GALNT18: variants seen among roughly 807,000 people sequenced by gnomAD.
GALNT18 encodes the protein polypeptide N-acetylgalactosaminyltransferase 18.
Under a neutral mutation model 69.5 loss-of-function variants are expected in GALNT18, and 44 were observed. The ratio of observed to expected loss-of-function variants is 0.63; its 90% CI spans 0.50 to 0.81. GALNT18 has a LOEUF of 0.81. Among genes scored for constraint, GALNT18 ranks in the 40% least tolerant of loss-of-function variants. The pLI is 0.00. For synonymous variants in GALNT18, 364 were observed against 318.2 expected (o/e 1.14, Z -1.53); for missense variants, 715 against 810.0 (o/e 0.88, Z 1.42).
At chr11:11,559,234 C>G (rs908339814) in intron 1 of GALNT18, among the ~76,000 whole-genome samples, 8 of 152,180 alleles carry the variant, frequency 5.3e-5, no homozygotes, top group African/African-American at 1.7e-4. Flanking sequence ...ATAGTCACCT[C>G]CAAGAAGCCT....
chr11:11,431,940 T>C (rs899068987), intron 3 of GALNT18, among the ~76,000 whole-genome samples: 11 of 152,016 alleles, frequency 7.2e-5, no homozygotes, highest in African/African-American at 2.7e-4. Flanking sequence ...TGATGGCATA[T>C]GGGGGGGCAA....
chr11:11,299,837 G>A (rs1045733240), intron 9 of GALNT18, among the ~76,000 whole-genome samples: 2 of 152,234 alleles, frequency 1.3e-5, no homozygotes, highest in Non-Finnish European at 2.9e-5. Context: ...CCAGGATTGG[G>A]ATTGCTGGAT....
rs1227443446 is a variant in GALNT18, at chr11:11,271,172, G to A, written c.1796C>T (p.Thr599Ile). 6.2e-7 allele frequency: 1 copy of A among 1,613,812 alleles called. No homozygotes were observed. Among genetic ancestry groups the A allele is most frequent in the Non-Finnish European group, 8.5e-7 (1 of 1,179,756 alleles). ...GGACGCGAGGCTCCTCAGGACGTTG[G>A]TGATGCTCCAGTGCTGGCCCGAGCA... The part of the protein sequence containing the change: ...QKCSGQHWSI[T>I]NVLRSLAS Residue 599 changes from threonine to isoleucine, a missense_variant, in exon 11 of 11, where the codon ACC becomes ATC. By Grantham distance (89) the Thr-to-Ile change is moderately conservative. Coordinates refer to ENST00000227756, the MANE Select transcript of GALNT18 (RefSeq NM_198516.3).
At chr11:11,532,667 T>C (rs1392891317) in intron 1 of GALNT18, among the ~76,000 whole-genome samples, 1 of 152,258 alleles carries the variant, frequency 6.6e-6, no homozygotes, top group Non-Finnish European at 1.5e-5. Flanking sequence ...AATATGTCTA[T>C]GGCTGCAGTC....
intron 3 of GALNT18, among the ~76,000 whole-genome samples, chr11:11,397,019 C>A (rs868066350): frequency 3.3e-5 from 5 of 152,148 alleles, no homozygotes; most frequent in Middle Eastern, 3.4e-3. Context: ...AAATGCACCC[C>A]CATGGCAAAT....
chr11:11,492,717 G>C (rs1856797734), intron 1 of GALNT18, among the ~76,000 whole-genome samples: 1 of 146,416 alleles, frequency 6.8e-6, no homozygotes, highest in African/African-American at 2.5e-5. Context: ...TGGACACAGA[G>C]AGGGGACATC....
At chr11:11,519,103 G>A (rs1314406640) in intron 1 of GALNT18, among the ~76,000 whole-genome samples, 1 of 152,196 alleles carries the variant, frequency 6.6e-6, no homozygotes, top group Non-Finnish European at 1.5e-5. Context: ...CCTGCATCTG[G>A]GCACCTGGGG....
intron 6 of GALNT18, among the ~76,000 whole-genome samples, chr11:11,350,886 G>A (rs1424136050): frequency 6.6e-6 from 1 of 152,160 alleles, no homozygotes; most frequent in African/African-American, 2.4e-5. Flanking sequence ...GCCTTCAGGG[G>A]ACTGTGTGAG....
chr11:11,565,454 T>C lies in GALNT18; in HGVS notation c.235+55905A>G, dbSNP rs1590104222. Among the ~76,000 whole-genome samples the C allele has an allele frequency of 2.0e-5, 3 of 152,186 alleles. No homozygotes were observed. In the East Asian group the frequency reaches 5.8e-4, roughly 29 times the overall value. ...TTCTTCCATCTCTCATTTTGGTTCC[T>C]GCATTAGATTGATCTAAGGCCTCTA... On this transcript the variant is annotated intron_variant, in intron 1 of 10. Coordinates refer to ENST00000227756, the MANE Select transcript of GALNT18 (RefSeq NM_198516.3).
chr11:11,372,014 T>TGGGATCAGAAA lies in GALNT18; in HGVS notation c.1092+500_1092+501insTTTCTGATCCC, dbSNP rs1217563621. ...TAGCACCTGGGATCAGAAAGCAGCC[T>TGGGATCAGAAA]GCAGTGAGCCTGGCTGCATCTTGCT... On this transcript the variant is annotated intron_variant, in intron 6 of 10. Coordinates refer to ENST00000227756, the MANE Select transcript of GALNT18 (RefSeq NM_198516.3). This position sits in a 1 kb window ranked among gnomAD's most constrained non-coding sequence, Gnocchi z 4.9. Among the ~76,000 whole-genome samples the TGGGATCAGAAA allele has an allele frequency of 1.3e-5, 2 of 152,188 alleles. No homozygotes were observed. Among genetic ancestry groups the TGGGATCAGAAA allele is most frequent in the Non-Finnish European group, 2.9e-5 (2 of 68,026 alleles).
At chr11:11,373,899 T>C (rs1382849347) in intron 5 of GALNT18, among the ~76,000 whole-genome samples, 2 of 152,284 alleles carry the variant, frequency 1.3e-5, no homozygotes, top group East Asian at 3.9e-4. Context: ...AAAGGAGAAA[T>C]GAAGGCTCCT....
intron 2 of GALNT18, among the ~76,000 whole-genome samples, chr11:11,448,162 T>TA (rs1197119831): frequency 6.6e-5 from 10 of 151,090 alleles, no homozygotes; most frequent in Admixed American, 5.9e-4. Flanking sequence ...TTGCAGCTTT[T>TA]AAAAAAATGT....
intron 3 of GALNT18, among the ~76,000 whole-genome samples, chr11:11,381,671 G>T (rs1464799733): frequency 4.6e-5 from 7 of 152,268 alleles, no homozygotes; most frequent in African/African-American, 1.7e-4. Flanking sequence ...ACTAAGGAAG[G>T]TCTAGGCAGC....
chr11:11,389,996 A>C lies in GALNT18; in HGVS notation c.596-10732T>G, dbSNP rs1487956924. On this transcript the variant is annotated intron_variant, in intron 3 of 10. Transcript: ENST00000227756. This position sits in a 1 kb window ranked among gnomAD's most constrained non-coding sequence, Gnocchi z 4.3. ...CCTAAAATCTCATGACTGAGAGCCC[A>C]AGAGTTTATGATTCTGAATCCAAAA... Among the ~76,000 whole-genome samples the C allele has an allele frequency of 1.3e-5, 2 of 152,202 alleles. No homozygotes were observed.
At chr11:11,410,451 GC>G (rs1854701728) in intron 3 of GALNT18, among the ~76,000 whole-genome samples, 1 of 152,136 alleles carries the variant, frequency 6.6e-6, no homozygotes, top group Non-Finnish European at 1.5e-5. Flanking sequence ...CCTAGGAAAA[GC>G]CCTAACACAT....
intron 1 of GALNT18, among the ~76,000 whole-genome samples, chr11:11,457,820 G>A (rs979726458): frequency 1.3e-5 from 2 of 152,212 alleles, no homozygotes; most frequent in Admixed American, 6.5e-5. Flanking sequence ...TTTGAGGGTG[G>A]GTGGGGAGTG....
At chr11:11,385,359 A>C (rs894194073) in intron 3 of GALNT18, among the ~76,000 whole-genome samples, 2 of 151,022 alleles carry the variant, frequency 1.3e-5, no homozygotes, top group East Asian at 1.9e-4. Flanking sequence ...GCAGTGGTGC[A>C]ATCTCGGCTC....
chr11:11,287,707 G>A (rs1367582816), intron 10 of GALNT18, among the ~76,000 whole-genome samples: 1 of 152,262 alleles, frequency 6.6e-6, no homozygotes, highest in African/African-American at 2.4e-5. Context: ...ATCACAAACA[G>A]GAAAAAATCA....
In GALNT18 at chr11:11,620,042, C is replaced by G. The variant is rs139734035; in HGVS notation, c.235+1317G>C. Among the ~76,000 whole-genome samples the G allele has an allele frequency of 1.2e-3, 179 of 151,608 alleles. No homozygotes were observed. The highest frequency in any genetic ancestry group is 4.2e-3 in the African/African-American group (175 of 41,254). On this transcript the variant is annotated intron_variant, in intron 1 of 10. Transcript: ENST00000227756. This position sits in a 1 kb window ranked among gnomAD's most constrained non-coding sequence, Gnocchi z 6.9. ...TGGACACCTGGGGAAACACCAAATTCAGACGGAGGAGCCATCTCTACTCTG... is the reference window on the plus strand; with the variant it reads ...TGGACACCTGGGGAAACACCAAATTGAGACGGAGGAGCCATCTCTACTCTG...
Sources: gnomAD v4.1 joint callset for allele counts (sites outside exome capture counted in the v4.1 genomes callset) on GRCh38, gnomAD v4.1.1 for gene constraint, Gnocchi (gnomAD v3.1) non-coding constraint, MANE v1.5 for transcripts, NCBI Gene and HGNC (gene_info 2026-07-23, HGNC 2026-07-21) for gene names.